Variants in PTPRT observed in about 807,000 individuals in gnomAD.
The protein encoded by PTPRT is protein tyrosine phosphatase receptor type T.
A neutral mutation model predicts 176.8 loss-of-function variants in PTPRT; 56 were observed. The ratio of observed to expected loss-of-function variants is 0.32; its 90% CI spans 0.26 to 0.40. PTPRT has a LOEUF of 0.40. PTPRT is among the 10% of genes least tolerant of loss of function. The probability of loss-of-function intolerance (pLI) is 1.00; values close to 1 mark genes in which losing one functional copy is unlikely to be tolerated. For missense variants in PTPRT, 1,540 were observed against 1,908.2 expected (o/e 0.81, Z 3.60); for synonymous variants, 783 against 739.0 (o/e 1.06, Z -0.96).
intron 1 of PTPRT, among the ~76,000 whole-genome samples, chr20:43,112,973 A>G (rs1468657475): frequency 1.3e-5 from 2 of 152,066 alleles, no homozygotes; most frequent in Non-Finnish European, 2.9e-5. Context: ...CATTCATGAT[A>G]TAAACGTGTC....
At chr20:42,275,879 A>G (rs1278906552) in intron 13 of PTPRT, among the ~76,000 whole-genome samples, 2 of 152,290 alleles carry the variant, frequency 1.3e-5, no homozygotes, top group South Asian at 2.1e-4. Context: ...GTCCTGGAAA[A>G]TGTATCTCAT....
chr20:42,315,427 G>A (rs1326582172), intron 12 of PTPRT, among the ~76,000 whole-genome samples: 2 of 152,086 alleles, frequency 1.3e-5, no homozygotes, highest in Non-Finnish European at 2.9e-5. Context: ...CTTTAATACA[G>A]GAGTGTGCAA....
intron 8 of PTPRT, among the ~76,000 whole-genome samples, chr20:42,450,980 C>T (rs2070817392): frequency 6.6e-6 from 1 of 152,020 alleles, no homozygotes; most frequent in Admixed American, 6.6e-5. Context: ...TTAAATGGCA[C>T]ATAAGTTAGA....
chr20:43,070,247 A>G (rs976575397), intron 1 of PTPRT, among the ~76,000 whole-genome samples: 3 of 152,106 alleles, frequency 2.0e-5, no homozygotes, highest in Non-Finnish European at 4.4e-5. Context: ...TCCTTCTCCA[A>G]AGAAATGCAA....
intron 2 of PTPRT, among the ~76,000 whole-genome samples, chr20:42,803,644 C>T (rs2077563034): frequency 6.6e-6 from 1 of 152,156 alleles, no homozygotes. Context: ...ACCTTCGCCT[C>T]CAGGGTTCAA....
Position 42,085,776 on chromosome 20 carries a change from G to A in PTPRT, c.3924C>T (p.Ile1308=), listed in dbSNP as rs750906745. 32 of 1,613,860 alleles carry A rather than the reference G, an allele frequency of 2.0e-5. No homozygotes were observed. The highest frequency in any genetic ancestry group is 1.6e-4 in the Middle Eastern group (1 of 6,080). Residue 1308 remains isoleucine, a synonymous_variant, in exon 28 of 31, where the codon ATC becomes ATT. Transcript: ENST00000373187. The part of the protein sequence containing the change: ...PIQVEFVSAD[I]DEDIIHRIFR... ...ATATTCTGTGGATGATGTCCTCGTC[G>A]ATGTCTGCGGAGACGAACTCCACCT... is the stretch of plus-strand genomic sequence containing the variant.
intron 1 of PTPRT, among the ~76,000 whole-genome samples, chr20:42,995,543 C>T (rs1377994814): frequency 2.0e-5 from 3 of 152,092 alleles, no homozygotes; most frequent in Admixed American, 2.0e-4. Flanking sequence ...CCCAATGTGC[C>T]ATCCTGACAT....
At chr20:42,201,247 C>T (rs1991435785) in intron 15 of PTPRT, among the ~76,000 whole-genome samples, 1 of 152,118 alleles carries the variant, frequency 6.6e-6, no homozygotes. Context: ...CTGCAGTGAG[C>T]CGAGATCACG....
At chr20:42,995,836 T>G (rs905439262) in intron 1 of PTPRT, among the ~76,000 whole-genome samples, 2 of 152,148 alleles carry the variant, frequency 1.3e-5, no homozygotes, top group African/African-American at 4.8e-5. Context: ...ATAATTTTTT[T>G]TAATAGTCAG....
intron 7 of PTPRT, among the ~76,000 whole-genome samples, chr20:42,496,659 T>C (rs990919637): frequency 6.6e-6 from 1 of 151,218 alleles, no homozygotes; most frequent in African/African-American, 2.4e-5. Context: ...TTTTTTGCCA[T>C]ATCCACAATC....
intron 12 of PTPRT, among the ~76,000 whole-genome samples, chr20:42,304,505 A>G (rs1355921788): frequency 1.3e-5 from 2 of 152,160 alleles, no homozygotes; most frequent in African/African-American, 4.8e-5. Flanking sequence ...AATGTTTTCC[A>G]AAAGAAGAAG....
At chr20:42,809,123 GATTA>G (rs1219053060) in intron 2 of PTPRT, among the ~76,000 whole-genome samples, 1 of 152,166 alleles carries the variant, frequency 6.6e-6, no homozygotes, top group African/African-American at 2.4e-5. Flanking sequence ...GCAGCAAGGA[GATTA>G]GTTAGGGGGT....
chr20:42,084,829 C>T lies in PTPRT; in HGVS notation c.3989G>A (p.Arg1330His), dbSNP rs528913627. Residue 1330 changes from arginine to histidine, a missense_variant, in exon 29 of 31, where the codon CGT becomes CAT. This residue lies in a region of PTPRT where 342 missense variants were observed against 394.0 expected (regional missense o/e 0.87). Coordinates refer to ENST00000373187, the MANE Select transcript of PTPRT (RefSeq NM_007050.6). ...AATGTACTGGAGGTGCTGGACTATA[C>T]GATAACCATCCTGTGGCTGAGAACA... ...CNMARPQDGY[R>H]IVQHLQYIGW... 142 of 1,457,300 alleles carry T rather than the reference C, an allele frequency of 9.7e-5. No individual in the cohort carries two copies. The Admixed American group carries it at 1.0e-3, about 11-fold the overall frequency. 90.3% of individuals were successfully genotyped at this position (1,457,300 alleles called of 1,614,324 possible).
intron 9 of PTPRT, among the ~76,000 whole-genome samples, chr20:42,363,792 T>G (rs2058475524): frequency 6.6e-6 from 1 of 152,098 alleles, no homozygotes. Context: ...AACTTCCCAG[T>G]GTCTTCACAG....
intron 1 of PTPRT, among the ~76,000 whole-genome samples, chr20:43,087,550 G>C (rs938205533): frequency 3.3e-5 from 5 of 151,726 alleles, no homozygotes; most frequent in Non-Finnish European, 7.4e-5. Context: ...TTTTAGAAGA[G>C]AGAGCCTTTC....
intron 15 of PTPRT, among the ~76,000 whole-genome samples, chr20:42,235,388 G>A (rs1314379751): frequency 6.6e-6 from 1 of 152,022 alleles, no homozygotes; most frequent in African/African-American, 2.4e-5. Context: ...AGCCTCCTAA[G>A]TAGCTTGGAC....
At chr20:42,834,109 C>A (rs1325711655) in intron 2 of PTPRT, among the ~76,000 whole-genome samples, 1 of 151,986 alleles carries the variant, frequency 6.6e-6, no homozygotes, top group Non-Finnish European at 1.5e-5. Flanking sequence ...TTAAAAATCC[C>A]AGATCTGACA....
intron 9 of PTPRT, among the ~76,000 whole-genome samples, chr20:42,357,350 G>A (rs961642517): frequency 6.6e-6 from 1 of 152,178 alleles, no homozygotes; most frequent in Non-Finnish European, 1.5e-5. Context: ...GCAGACCTCT[G>A]TACTAGACTT....
intron 4 of PTPRT, among the ~76,000 whole-genome samples, chr20:42,773,721 A>G (rs1324189252): frequency 5.9e-5 from 9 of 152,312 alleles, no homozygotes; most frequent in Middle Eastern, 3.4e-3. Context: ...GTTCAAATCA[A>G]TTCTTAAAAT....
Sources: allele counts gnomAD v4.1 joint callset (sites outside exome capture counted in the v4.1 genomes callset), GRCh38; gene constraint gnomAD v4.1.1; regional missense constraint gnomAD v4.1.1; transcripts MANE v1.5; gene names NCBI Gene and HGNC (gene_info 2026-07-23, HGNC 2026-07-21).